The following BAZ1A variants were observed in gnomAD, a reference collection of about 807,000 sequenced individuals.
The protein encoded by BAZ1A is bromodomain adjacent to zinc finger domain 1A, also known as bromodomain adjacent to zinc finger domain protein 1A.
A neutral mutation model predicts 185.2 loss-of-function variants in BAZ1A; 50 were observed. The ratio of observed to expected loss-of-function variants is 0.27; its 90% CI spans 0.22 to 0.34. The LOEUF is 0.34. Ranked by LOEUF, BAZ1A falls within the 10% of genes least tolerant of loss-of-function variation. BAZ1A has a pLI of 1.00. For synonymous variants in BAZ1A, 571 were observed against 615.6 expected (o/e 0.93, Z 1.07); for missense variants, 1,356 against 1,839.9 (o/e 0.74, Z 4.81).
intron 5 of BAZ1A, 84 bp downstream of exon 5, chr14:34,810,851 C>G (rs1052907397): frequency 1.6e-5 from 15 of 918,120 alleles, no homozygotes; most frequent in Admixed American, 6.8e-5. Flanking sequence ...CAGTACTTCC[C>G]ATTTGTTCTA....
At chr14:34,762,351 A>G in intron 23 of BAZ1A, 128 bp from the exon 24 acceptor site, 3 of 804,560 alleles carry the variant, frequency 3.7e-6, no homozygotes, top group Non-Finnish European at 5.8e-6. Flanking sequence ...GACTTATCCT[A>G]GACTCAATTC....
At position 34,800,219 on chromosome 14, in the gene BAZ1A, A is replaced by G. The variant is rs1458038761; in HGVS notation, c.1128+5T>C. The G allele has an allele frequency of 7.9e-6, 11 of 1,394,092 alleles. No individual in the cohort carries two copies. The highest frequency in any genetic ancestry group is 1.1e-5 in the Non-Finnish European group (11 of 1,025,448). 86.4% of individuals were successfully genotyped at this position (1,394,092 alleles called of 1,614,324 possible). ...AGAGTATAGCTAATATACTCAAATG[A>G]ATACCTTTTCTCTTTCTACTTTAAG... On this transcript the variant is annotated splice_donor_5th_base_variant and intron_variant, in intron 9 of 26. Transcript: ENST00000360310.
chr14:34,865,434 C>T (rs2042841970), intron 2 of BAZ1A, among the ~76,000 whole-genome samples: 1 of 152,126 alleles, frequency 6.6e-6, no homozygotes, highest in African/African-American at 2.4e-5. Flanking sequence ...CTTCTCCCGT[C>T]ATTCTAAAAG....
At chr14:34,804,209 T>C (rs2138663017) in intron 6 of BAZ1A, among the ~76,000 whole-genome samples, 1 of 152,328 alleles carries the variant, frequency 6.6e-6, no homozygotes, top group East Asian at 1.9e-4. Context: ...GGTCTCACCA[T>C]GTTGGCCAGG....
intron 16 of BAZ1A, among the ~76,000 whole-genome samples, chr14:34,781,156 A>G (rs1566557789): frequency 6.6e-6 from 1 of 152,242 alleles, no homozygotes; most frequent in Non-Finnish European, 1.5e-5. Flanking sequence ...TGCAAGTTCT[A>G]ATGTAAGGAC....
At chr14:34,784,274 T>C (rs1394407917) in intron 14 of BAZ1A, among the ~76,000 whole-genome samples, 2 of 141,566 alleles carry the variant, frequency 1.4e-5, no homozygotes, top group Non-Finnish European at 3.0e-5. Context: ...AGGCTGAGGT[T>C]GGAGAATTGC....
chr14:34,852,019 C>T (rs1174676748), intron 3 of BAZ1A, among the ~76,000 whole-genome samples: 4 of 151,670 alleles, frequency 2.6e-5, no homozygotes, highest in Non-Finnish European at 2.9e-5. Flanking sequence ...CCCAGTTACT[C>T]GGGAGGCTGG....
intron 10 of BAZ1A, 52 bp downstream of exon 10, chr14:34,795,618 C>T: frequency 1.6e-6 from 2 of 1,274,302 alleles, no homozygotes; most frequent in African/African-American, 1.5e-5. Flanking sequence ...AGCAAAGCCA[C>T]ATAGGACATG....
chr14:34,785,568 T>C (rs776973141), intron 14 of BAZ1A, among the ~76,000 whole-genome samples: 12 of 152,230 alleles, frequency 7.9e-5, no homozygotes, highest in South Asian at 2.1e-4. Flanking sequence ...GTAGATGTAG[T>C]AGACTAATCA....
chr14:34,854,916 C>A (rs556043297), intron 3 of BAZ1A, among the ~76,000 whole-genome samples: 1 of 152,106 alleles, frequency 6.6e-6, no homozygotes. Context: ...CCCATCTCTA[C>A]TAATGATACA....
At chr14:34,756,945 G>T (rs148589432) in intron 25 of BAZ1A, among the ~76,000 whole-genome samples, 8 of 152,056 alleles carry the variant, frequency 5.3e-5, no homozygotes, top group African/African-American at 1.4e-4. Context: ...TGAGGCATGC[G>T]GTAGTTTGAG....
At position 34,780,395 on chromosome 14, in the gene BAZ1A, A is replaced by G. The variant is rs1879961093; in HGVS notation, c.2112-85T>C. ...ATTTATTGCTTGCTTATGAAGTACC[A>G]GGCATTATAGGCTTAGGAAGTAGTG... On this transcript the variant is annotated intron_variant, in intron 16 of 26. Transcript: ENST00000360310. 8 of 1,348,742 alleles carry G rather than the reference A, an allele frequency of 5.9e-6. No homozygotes were observed. In the South Asian group the frequency reaches 7.1e-5, roughly 12 times the overall value. 83.5% of individuals were successfully genotyped at this position (1,348,742 alleles called of 1,614,324 possible). A position where few individuals can be genotyped will look rare whatever the true frequency, so the allele number is the denominator to read the frequency against.
At chr14:34,872,935 A>C (rs916728327) in intron 2 of BAZ1A, among the ~76,000 whole-genome samples, 1 of 130,646 alleles carries the variant, frequency 7.7e-6, no homozygotes, top group African/African-American at 2.6e-5. Context: ...AAAAAAAAAA[A>C]AAAAAACTTG....
chr14:34,865,916 G>A (rs545318611), intron 2 of BAZ1A, among the ~76,000 whole-genome samples: 117 of 152,256 alleles, frequency 7.7e-4, no homozygotes, highest in African/African-American at 2.6e-3. Flanking sequence ...AGCCAGACAC[G>A]ATGGCTCATG....
Position 34,874,843 on chromosome 14 carries a change from G to C in BAZ1A, c.-58-181C>G. Reference sequence around the variant, plus strand: ...GTGTCGAGCGAGCGGAGCCGCCGCCGCCCCTGCCCCCCGAGCGCGCCCTAC... The same window carrying C: ...GTGTCGAGCGAGCGGAGCCGCCGCCCCCCCTGCCCCCCGAGCGCGCCCTAC... On this transcript the variant is annotated intron_variant, in intron 1 of 26. Coordinates refer to ENST00000360310, the MANE Select transcript of BAZ1A (RefSeq NM_013448.3). This position sits in a 1 kb window ranked among gnomAD's most constrained non-coding sequence, Gnocchi z 4.7. The C allele has an allele frequency of 2.3e-6, 1 of 426,550 alleles. No individual in the cohort carries two copies. Among genetic ancestry groups the C allele is most frequent in the Non-Finnish European group, 4.1e-6 (1 of 241,092 alleles). 26.4% of individuals were successfully genotyped at this position (426,550 alleles called of 1,614,324 possible).
At chr14:34,834,100 T>A (rs755195447) in intron 3 of BAZ1A, among the ~76,000 whole-genome samples, 25 of 152,138 alleles carry the variant, frequency 1.6e-4, no homozygotes, top group Non-Finnish European at 2.6e-4. Flanking sequence ...ATAAAAAGGC[T>A]CTGTACTTTA....
intron 3 of BAZ1A, among the ~76,000 whole-genome samples, chr14:34,828,120 G>A (rs2042189015): frequency 6.6e-6 from 1 of 151,324 alleles, no homozygotes; most frequent in Non-Finnish European, 1.5e-5. Context: ...GAGAAACCCT[G>A]TCTCTAGTAA....
chr14:34,831,445 C>G (rs1027275060), intron 3 of BAZ1A, among the ~76,000 whole-genome samples: 2 of 152,132 alleles, frequency 1.3e-5, no homozygotes, highest in African/African-American at 4.8e-5. Flanking sequence ...ATGGAGGAGA[C>G]AGTGTGCAGT....
At chr14:34,847,882 T>C (rs911259406) in intron 3 of BAZ1A, among the ~76,000 whole-genome samples, 31 of 152,252 alleles carry the variant, frequency 2.0e-4, no homozygotes, top group African/African-American at 7.2e-4. Context: ...TTTTTTGAGA[T>C]AGTGTCTCGC....
Sources: gnomAD v4.1 joint callset for allele counts (sites outside exome capture counted in the v4.1 genomes callset) on GRCh38, gnomAD v4.1.1 for gene constraint, Gnocchi (gnomAD v3.1) non-coding constraint, MANE v1.5 for transcripts, NCBI Gene and HGNC (gene_info 2026-07-23, HGNC 2026-07-21) for gene names.